The following ELP3 variants were observed in gnomAD, a reference collection of about 807,000 sequenced individuals.
ELP3 encodes elongator complex protein 3.
A neutral mutation model predicts 74.9 loss-of-function variants in ELP3; 56 were observed. That is an observed-to-expected ratio of 0.75 (90% CI 0.60 to 0.93). The LOEUF is 0.93. ELP3 is among the 40% of genes least tolerant of loss of function. The pLI is 0.00. For missense variants in ELP3, 573 were observed against 686.5 expected, an observed-to-expected ratio of 0.83 and a Z score of 1.85; for synonymous variants, 222 against 239.8, an observed-to-expected ratio of 0.93 and a Z score of 0.68.
chr8:28,124,635 A>G (rs34460067), intron 7 of ELP3, among the ~76,000 whole-genome samples: 42,868 of 152,022 alleles, frequency 0.28, 6,365 homozygotes, highest in Admixed American at 0.34. Context: ...TTTTCTATTA[A>G]TAATGTGTTG....
At chr8:28,174,963 G>A (rs1274226033) in intron 14 of ELP3, among the ~76,000 whole-genome samples, 1 of 152,150 alleles carries the variant, frequency 6.6e-6, no homozygotes, top group Non-Finnish European at 1.5e-5. Context: ...CACTTTAAAT[G>A]TGCCATCCCA....
intron 11 of ELP3, among the ~76,000 whole-genome samples, chr8:28,158,050 CAAAAA>C (rs11323782): frequency 9.6e-5 from 9 of 93,658 alleles, no homozygotes; most frequent in Non-Finnish European, 1.3e-4. Flanking sequence ...GCCCTTCTTG[CAAAAA>C]AAAAAAAAAA....
rs1033280697 is a variant in ELP3 at position 28,156,043 on chromosome 8, A to C, written c.1191+11A>C. On this transcript the variant is annotated intron_variant, in intron 11 of 14. Transcript: ENST00000256398. ...GACCTCGGAATACAGGTAAGAGCAA[A>C]TATGGCGGTCAGGCCACAACTGTTG... The C allele has an allele frequency of 1.2e-6, 2 of 1,608,416 alleles. No homozygotes were observed. Among genetic ancestry groups the C allele is most frequent in the Non-Finnish European group, 8.5e-7 (1 of 1,175,218 alleles).
At chr8:28,167,363 T>C (rs888619825) in intron 14 of ELP3, among the ~76,000 whole-genome samples, 8 of 152,204 alleles carry the variant, frequency 5.3e-5, no homozygotes, top group Admixed American at 5.2e-4. Context: ...GGGCAGAAAA[T>C]AGCAGTTGTT....
chr8:28,092,858 C>T (rs1229400512), upstream of ELP3: 2 of 311,872 alleles, frequency 6.4e-6, no homozygotes, highest in Non-Finnish European at 6.2e-6. Flanking sequence ...CCACTTCCAC[C>T]CTTTCACTTA....
intron 7 of ELP3, among the ~76,000 whole-genome samples, chr8:28,115,626 T>A (rs567714820): frequency 1.3e-5 from 2 of 152,178 alleles, no homozygotes; most frequent in South Asian, 4.1e-4. Context: ...TATCTCTGTT[T>A]TATGGGTGAG....
intron 1 of ELP3, among the ~76,000 whole-genome samples, chr8:28,093,889 A>G (rs569423958): frequency 6.6e-6 from 1 of 152,240 alleles, no homozygotes; most frequent in Non-Finnish European, 1.5e-5. Flanking sequence ...TGAAGTCGGT[A>G]TCATTTCCAT....
intron 4 of ELP3, among the ~76,000 whole-genome samples, chr8:28,106,984 T>A (rs949681980): frequency 1.3e-5 from 2 of 152,146 alleles, no homozygotes; most frequent in Non-Finnish European, 2.9e-5. Flanking sequence ...CAAAGTGGCT[T>A]ACGCCTATAA....
At chr8:28,157,157 T>C (rs144199627) in intron 11 of ELP3, among the ~76,000 whole-genome samples, 347 of 152,172 alleles carry the variant, frequency 2.3e-3, no homozygotes, top group Non-Finnish European at 4.1e-3. Context: ...CTTGTTAGCC[T>C]CTATTAAAGT....
At chr8:28,174,356 C>T (rs955719273) in intron 14 of ELP3, among the ~76,000 whole-genome samples, 6 of 152,042 alleles carry the variant, frequency 3.9e-5, no homozygotes, top group African/African-American at 1.4e-4. Context: ...GGTCTTCTGT[C>T]TCTTGTAACC....
At chr8:28,090,288 C>T, upstream of ELP3, 1 of 408,340 alleles carries the variant, frequency 2.4e-6, no homozygotes, top group South Asian at 1.8e-5. Flanking sequence ...ACTCTGGAGC[C>T]CAGGCTGTTG....
At chr8:28,171,583 A>C (rs1814528780) in intron 14 of ELP3, among the ~76,000 whole-genome samples, 1 of 152,134 alleles carries the variant, frequency 6.6e-6, no homozygotes. Context: ...AAATATTTGC[A>C]AATGTTTTCT....
chr8:28,122,434 T>C lies in ELP3; in HGVS notation c.618-7068T>C, dbSNP rs369097710. Reference sequence around the variant, plus strand: ...AGTGAAACTATCTAGGGCTGGAATTTTCTTTATGGGAGGGTTTTAGATCAT... The same window carrying C: ...AGTGAAACTATCTAGGGCTGGAATTCTCTTTATGGGAGGGTTTTAGATCAT... On this transcript the variant is annotated intron_variant, in intron 7 of 14. Coordinates refer to ENST00000256398, the MANE Select transcript of ELP3 (RefSeq NM_018091.6). Among the ~76,000 whole-genome samples, 41 of 152,364 alleles carry C rather than the reference T, an allele frequency of 2.7e-4. No individual in the cohort carries two copies. In the South Asian group the frequency reaches 7.7e-3, roughly 28 times the overall value.
intron 6 of ELP3, chr8:28,110,994 C>T (rs1811895668): frequency 6.5e-6 from 1 of 153,398 alleles, no homozygotes; most frequent in African/African-American, 2.4e-5. Flanking sequence ...TGGAAGGATC[C>T]CTTGAGCCTG....
upstream of ELP3, chr8:28,093,005 C>T (rs1208497136): frequency 1.9e-5 from 14 of 745,512 alleles, no homozygotes; most frequent in African/African-American, 2.2e-4. Flanking sequence ...GGATCGCAGC[C>T]TAGGGGCCTC....
chr8:28,155,365 A>G (rs1813785508), intron 10 of ELP3, among the ~76,000 whole-genome samples: 5 of 152,218 alleles, frequency 3.3e-5, no homozygotes, highest in Admixed American at 3.3e-4. Flanking sequence ...TGCTGTATTA[A>G]TGCCAGGAAA....
intron 1 of ELP3, chr8:28,093,495 A>G (rs2130329570): frequency 3.5e-6 from 2 of 565,974 alleles, no homozygotes; most frequent in East Asian, 3.0e-5. Flanking sequence ...CATTATTCCA[A>G]TATATGCCCT....
intron 7 of ELP3, among the ~76,000 whole-genome samples, chr8:28,114,642 G>A (rs1812052931): frequency 6.6e-6 from 1 of 152,118 alleles, no homozygotes; most frequent in African/African-American, 2.4e-5. Context: ...CCTCCCACCA[G>A]GCCACACCTC....
chr8:28,178,565 T>G (rs1814860352), intron 14 of ELP3, among the ~76,000 whole-genome samples: 1 of 152,216 alleles, frequency 6.6e-6, no homozygotes, highest in African/African-American at 2.4e-5. Flanking sequence ...AGTTCACGAT[T>G]TATCCGTCTT....
Sources: allele counts gnomAD v4.1 joint callset (sites outside exome capture counted in the v4.1 genomes callset), GRCh38; gene constraint gnomAD v4.1.1; transcripts MANE v1.5; gene names NCBI Gene and HGNC (gene_info 2026-07-23, HGNC 2026-07-21).